Variants in NRSN1 observed in about 807,000 individuals in gnomAD.
The protein encoded by NRSN1 is neurensin 1.
A neutral mutation model predicts 17.3 loss-of-function variants in NRSN1; 14 were observed. The ratio of observed to expected loss-of-function variants is 0.81; its 90% CI spans 0.54 to 1.27. The LOEUF is 1.27. Among genes scored for constraint, NRSN1 ranks in the 50% most tolerant of loss-of-function variants. The pLI, the probability that NRSN1 is intolerant of heterozygous loss-of-function variation, is 0.00. For synonymous variants in NRSN1, 79 were observed against 94.2 expected, an observed-to-expected ratio of 0.84 and a Z score of 0.93; for missense variants, 209 against 235.9, an observed-to-expected ratio of 0.89 and a Z score of 0.75.
In NRSN1 at chr6:24,145,779, A is replaced by C; in HGVS notation, c.421A>C (p.Lys141Gln). The change falls in exon 4 of 4, where the codon AAG (lysine) becomes CAG (glutamine). Residue 141 changes from lysine to glutamine, a missense_variant. By Grantham distance (53) the Lys-to-Gln change is moderately conservative (BLOSUM62 1). Transcript: ENST00000378491. The surrounding 1 kb of genome is among the most constrained non-coding windows in gnomAD (Gnocchi z 4.4). ...AGCLLMSVFV[K>Q]SYSKEEKFLQ... ...GTGCCTGCTGATGTCGGTGTTTGTA[A>C]AGAGCTACTCCAAAGAAGAAAAATT... The C allele has an allele frequency of 6.2e-7, 1 of 1,614,172 alleles. No individual in the cohort carries two copies. Among genetic ancestry groups the C allele is most frequent in the South Asian group, 1.1e-5 (1 of 91,078 alleles).
At chr6:24,128,254 T>C (rs771360959) in intron 2 of NRSN1, 54 bp downstream of exon 2, 37 of 151,388 alleles carry the variant, frequency 2.4e-4, no homozygotes, top group Non-Finnish European at 4.6e-4. Context: ...TGTATGCATG[T>C]AGATAAAGAA....
chr6:24,145,552 G>T lies in NRSN1; in HGVS notation c.194G>T (p.Gly65Val). The change falls in exon 4 of 4, where the codon GGA (glycine) becomes GTA (valine). Residue 65 changes from glycine (G) to valine (V), a missense_variant. Transcript: ENST00000378491. This position sits in a 1 kb window ranked among gnomAD's most constrained non-coding sequence, Gnocchi z 4.4. ...TCTGTCATTATCTACCTGTAGGTTGGACTCATCTCAGGTACAGTTTTTGTG... is the reference window on the plus strand; with the variant it reads ...TCTGTCATTATCTACCTGTAGGTTGTACTCATCTCAGGTACAGTTTTTGTG... ...NRWSSVFWKV[G>V]LISGTVFVIL... The T allele has an allele frequency of 6.3e-7, 1 of 1,582,424 alleles. No individual in the cohort carries two copies.
rs1166292308 is a variant in NRSN1, at chr6:24,134,366, A to C, written c.39A>C (p.Ala13=). The C allele has an allele frequency of 6.2e-6, 10 of 1,614,170 alleles. No homozygotes were observed. Among genetic ancestry groups the C allele is most frequent in the Non-Finnish European group, 8.5e-6 (10 of 1,180,022 alleles). Residue 13 remains alanine, a synonymous_variant, in exon 3 of 4, where the codon GCA becomes GCC. Transcript: ENST00000378491. ...SCSNVCGSRQ[A]QAAAEGGYQR... ...GCAACGTCTGTGGGTCCAGGCAGGC[A>C]CAGGCTGCAGCTGAGGGTGGTTACC...
At chr6:24,144,539 G>A (rs1011215397) in intron 3 of NRSN1, among the ~76,000 whole-genome samples, 8 of 152,128 alleles carry the variant, frequency 5.3e-5, no homozygotes, top group African/African-American at 1.7e-4. Flanking sequence ...GTTCACTCTG[G>A]ATTGTTAGGG....
chr6:24,134,112 C>T (rs1760077796), intron 2 of NRSN1, among the ~76,000 whole-genome samples: 1 of 152,106 alleles, frequency 6.6e-6, no homozygotes, highest in African/African-American at 2.4e-5. Context: ...GATCCTCCCT[C>T]CTCAGCCTCC....
chr6:24,142,251 A>C (rs1179680710), intron 3 of NRSN1, among the ~76,000 whole-genome samples: 1 of 85,050 alleles, frequency 1.2e-5, no homozygotes, highest in African/African-American at 4.3e-5. Flanking sequence ...CAGTTTCCTT[A>C]CAATATGAGA....
chr6:24,141,403 C>G (rs1760200695), intron 3 of NRSN1: 2 of 373,068 alleles, frequency 5.4e-6, no homozygotes, highest in Admixed American at 5.2e-5. Context: ...GAGACTCCTT[C>G]GTACCTATCA....
In NRSN1 at chr6:24,146,975, C is replaced by A. The variant is rs1483515493; in HGVS notation, c.*1029C>A. On this transcript the variant is annotated 3_prime_UTR_variant, in exon 4 of 4. Transcript: ENST00000378491. ...CAAACATCTGAGATTCCATTTTTGC[C>A]ATGTGTCATCGAGTCGCTCCCCAAC... The A allele has an allele frequency of 1.1e-4, 16 of 152,058 alleles. No homozygotes were observed. Among genetic ancestry groups the A allele is most frequent in the Admixed American group, 1.0e-3 (16 of 15,268 alleles). 9.4% of individuals were successfully genotyped at this position (152,058 alleles called of 1,614,324 possible). A position where few individuals can be genotyped will look rare whatever the true frequency, so the allele number is the denominator to read the frequency against.
In NRSN1 at chr6:24,126,291, C is replaced by A; in HGVS notation, c.-132C>A. On this transcript the variant is annotated 5_prime_UTR_variant, in exon 1 of 4. In the 5' UTR this introduces an upstream ATG that the reference lacks. Coordinates refer to ENST00000378491, the MANE Select transcript of NRSN1 (RefSeq NM_080723.5). The stretch of plus-strand genomic sequence containing the variant: ...CGGCGATGGGACCCCAGCGAGAGAT[C>A]TGCAGCTAGGCTGGCTGCACTTGCT... The A allele has an allele frequency of 5.8e-6, 1 of 171,728 alleles. No homozygotes were observed. The highest frequency in any genetic ancestry group is 1.7e-4 in the South Asian group (1 of 6,046). 10.6% of individuals were successfully genotyped at this position (171,728 alleles called of 1,614,324 possible). A position where few individuals can be genotyped will look rare whatever the true frequency, so the allele number is the denominator to read the frequency against.
At position 24,145,719 on chromosome 6, in the gene NRSN1, G is replaced by C. The variant is rs1760292739; in HGVS notation, c.361G>C (p.Val121Leu). ...GGACATGTACAAGCTGGCAGGAGCT[G>C]TTCTCTTCTGCATTGGAGGCACGTC... ...ALDMYKLAGA[V>L]LFCIGGTSMA... Residue 121 changes from valine (V) to leucine (L), a missense_variant, in exon 4 of 4, where the codon GTT becomes CTT. Physicochemically the swap from Val to Leu is conservative, Grantham distance 32. Coordinates refer to ENST00000378491, the MANE Select transcript of NRSN1 (RefSeq NM_080723.5). The surrounding 1 kb of genome is among the most constrained non-coding windows in gnomAD (Gnocchi z 4.4). 1 of 1,614,054 alleles carries C rather than the reference G, an allele frequency of 6.2e-7. No individual in the cohort carries two copies. The highest frequency in any genetic ancestry group is 1.3e-5 in the African/African-American group (1 of 74,936).
At chr6:24,127,917 A>T (rs1759972592) in intron 1 of NRSN1, among the ~76,000 whole-genome samples, 1 of 152,226 alleles carries the variant, frequency 6.6e-6, no homozygotes. Flanking sequence ...CATCTCATTC[A>T]CTTTATAAAT....
chr6:24,133,275 C>T (rs1760066316), intron 2 of NRSN1, among the ~76,000 whole-genome samples: 1 of 152,216 alleles, frequency 6.6e-6, no homozygotes, highest in African/African-American at 2.4e-5. Flanking sequence ...TAGCCACCCA[C>T]ATGGACAGAT....
intron 1 of NRSN1, among the ~76,000 whole-genome samples, chr6:24,127,436 A>G (rs1004945014): frequency 1.1e-4 from 17 of 152,218 alleles, no homozygotes; most frequent in Non-Finnish European, 2.2e-4. Flanking sequence ...ATTCTTAATG[A>G]TCCCATAAAA....
intron 2 of NRSN1, among the ~76,000 whole-genome samples, chr6:24,131,541 T>C (rs1760029131): frequency 6.6e-6 from 1 of 152,162 alleles, no homozygotes; most frequent in Non-Finnish European, 1.5e-5. Flanking sequence ...TCCTGCTTCT[T>C]GTGTTAATTG....
chr6:24,132,208 A>C (rs555418904), intron 2 of NRSN1, among the ~76,000 whole-genome samples: 1 of 152,338 alleles, frequency 6.6e-6, no homozygotes, highest in East Asian at 1.9e-4. Flanking sequence ...GCACATATTT[A>C]AAGATGTGCT....
At chr6:24,140,523 A>G (rs1388743345) in intron 3 of NRSN1, among the ~76,000 whole-genome samples, 1 of 152,248 alleles carries the variant, frequency 6.6e-6, no homozygotes, top group African/African-American at 2.4e-5. Context: ...ATCACCGCTC[A>G]GAGCTCAGGA....
At chr6:24,142,917 A>C (rs1005972319) in intron 3 of NRSN1, among the ~76,000 whole-genome samples, 1 of 152,172 alleles carries the variant, frequency 6.6e-6, no homozygotes, top group African/African-American at 2.4e-5. Context: ...GGCCCCGCCC[A>C]CATCCTGCTG....
At chr6:24,134,285 G>A (rs750128559) in intron 2 of NRSN1, 34 bp from the exon 3 acceptor site, 2 of 1,573,576 alleles carry the variant, frequency 1.3e-6, no homozygotes, top group South Asian at 1.1e-5. Flanking sequence ...GCCAAAGCCT[G>A]TGGCATTAAT....
At chr6:24,133,831 G>A (rs2113712948) in intron 2 of NRSN1, among the ~76,000 whole-genome samples, 1 of 152,176 alleles carries the variant, frequency 6.6e-6, no homozygotes, top group East Asian at 1.9e-4. Context: ...AGACAGGTTT[G>A]TTGTTGTTGT....
Sources: gnomAD v4.1 joint callset for allele counts (sites outside exome capture counted in the v4.1 genomes callset) on GRCh38, gnomAD v4.1.1 for gene constraint, Gnocchi (gnomAD v3.1) non-coding constraint, MANE v1.5 for transcripts, NCBI Gene and HGNC (gene_info 2026-07-23, HGNC 2026-07-21) for gene names.